Variants in COX19 observed in about 807,000 individuals in gnomAD.
COX19 encodes the protein cytochrome c oxidase assembly factor COX19.
COX19 carries 8 observed loss-of-function variants against 6.8 expected under a neutral mutation model. The ratio of observed to expected loss-of-function variants is 1.18; its 90% CI spans 0.69 to 2.12. COX19 has a LOEUF of 2.12. Among genes scored for constraint, COX19 ranks in the 30% most tolerant of loss-of-function variants. The pLI is 0.00. For synonymous variants in COX19, 51 were observed against 38.0 expected (o/e 1.34, Z -1.26); for missense variants, 131 against 104.6 (o/e 1.25, Z -1.10).
In COX19 at chr7:967,823, A is replaced by C. The variant is rs1847580569; in HGVS notation, c.*1555T>G. 1 of 152,284 alleles carries C rather than the reference A, an allele frequency of 6.6e-6. No individual in the cohort carries two copies. The highest frequency in any genetic ancestry group is 6.5e-5 in the Admixed American group (1 of 15,290). The allele number at this position is 152,284 out of a possible 1,614,324, so 9.4% of individuals were successfully genotyped here. A position where few individuals can be genotyped will look rare whatever the true frequency, so the allele number is the denominator to read the frequency against. On this transcript the variant is annotated 3_prime_UTR_variant, in exon 3 of 3. Coordinates refer to ENST00000344111, the MANE Select transcript of COX19 (RefSeq NM_001031617.3). ...GTGTCCCTGCCTGTCTCCACTTCACAGTAAGCTCACGCCATATAGCCGCAC... is the reference window on the plus strand; with the variant it reads ...GTGTCCCTGCCTGTCTCCACTTCACCGTAAGCTCACGCCATATAGCCGCAC...
chr7:964,980 C>T lies in COX19; in HGVS notation c.*4398G>A, dbSNP rs1847530840. 6.6e-6 allele frequency among the ~76,000 whole-genome samples: 1 copy of T among 152,196 alleles called. No homozygotes were observed. The highest frequency in any genetic ancestry group is 1.5e-5 in the Non-Finnish European group (1 of 68,038). ...ATCTCGTGAGAAGCTCTGGCAGGAA[C>T]AGCAGGGTGTCTGGATTCTTAAGCA... On this transcript the variant is annotated 3_prime_UTR_variant, in exon 3 of 3. Coordinates refer to ENST00000344111, the MANE Select transcript of COX19 (RefSeq NM_001031617.3).
At chr7:969,814 G>A (rs1488363692) in intron 2 of COX19, among the ~76,000 whole-genome samples, 3 of 152,188 alleles carry the variant, frequency 2.0e-5, no homozygotes. Context: ...TGCTTTGATT[G>A]GCAGGATAAT....
At position 975,483 on chromosome 7, in the gene COX19, G is replaced by A. The variant is rs200879257; in HGVS notation, c.27C>T (p.Thr9=). Residue 9 remains threonine, a synonymous_variant, in exon 1 of 3, where the codon ACC becomes ACT. Transcript: ENST00000344111. MSTAMNFG[T]KSFQPRPPDK... ...CCGGGGGCCGCGGCTGGAAGCTCTT[G>A]GTCCCGAAATTCATGGCGGTCGACA... 114 of 1,603,234 alleles carry A rather than the reference G, an allele frequency of 7.1e-5. No homozygotes were observed. Among genetic ancestry groups the A allele is most frequent in the Non-Finnish European group, 3.4e-5 (40 of 1,176,284 alleles).
intron 2 of COX19, among the ~76,000 whole-genome samples, chr7:971,865 C>T (rs927307273): frequency 2.6e-5 from 4 of 152,042 alleles, no homozygotes; most frequent in Admixed American, 6.6e-5. Context: ...AGTGAGACTC[C>T]GTCTCAAAAA....
chr7:965,356 C>T lies in COX19; in HGVS notation c.*4022G>A, dbSNP rs1847535987. On this transcript the variant is annotated 3_prime_UTR_variant, in exon 3 of 3. Transcript: ENST00000344111. Reference sequence around the variant, plus strand: ...ATAACACTGGGCCAGCGCTGCCAGTCACTTCGCAGAAGGCTCCTCGGTTTG... The same window carrying T: ...ATAACACTGGGCCAGCGCTGCCAGTTACTTCGCAGAAGGCTCCTCGGTTTG... Among the ~76,000 whole-genome samples the T allele has an allele frequency of 6.6e-6, 1 of 152,206 alleles. No homozygotes were observed. Among genetic ancestry groups the T allele is most frequent in the South Asian group, 2.1e-4 (1 of 4,828 alleles).
Position 975,465 on chromosome 7 carries a change from C to T in COX19, c.45G>A (p.Arg15=). The change falls in exon 1 of 3, where the codon CGG becomes CGA. Residue 15 remains arginine, a synonymous_variant. Coordinates refer to ENST00000344111, the MANE Select transcript of COX19 (RefSeq NM_001031617.3). ...GCGGGAAGCTGCCCTTGTCCGGGGGCCGCGGCTGGAAGCTCTTGGTCCCGA... is the reference window on the plus strand; with the variant it reads ...GCGGGAAGCTGCCCTTGTCCGGGGGTCGCGGCTGGAAGCTCTTGGTCCCGA... ...MNFGTKSFQP[R]PPDKGSFPLD... is the part of the protein sequence containing the mutation. 1.2e-6 allele frequency: 2 copies of T among 1,601,842 alleles called. No individual in the cohort carries two copies. The highest frequency in any genetic ancestry group is 8.5e-7 in the Non-Finnish European group (1 of 1,175,710).
Position 968,261 on chromosome 7 carries a change from TGAGAAG to T in COX19, c.*1111_*1116del, listed in dbSNP as rs1246084025. 2 of 152,282 alleles carry T rather than the reference TGAGAAG, an allele frequency of 1.3e-5. No individual in the cohort carries two copies. Among genetic ancestry groups the T allele is most frequent in the African/African-American group, 4.8e-5 (2 of 41,458 alleles). The allele number at this position is 152,282 out of a possible 1,614,324, so 9.4% of individuals were successfully genotyped here. A position where few individuals can be genotyped will look rare whatever the true frequency, so the allele number is the denominator to read the frequency against. Reference sequence around the variant, plus strand: ...TTGCTGCAGAGAACTGGAGATGGGCTGAGAAGCCTCAGCCACCCACAGGCAGAGGGA... The same window carrying T: ...TTGCTGCAGAGAACTGGAGATGGGCTCCTCAGCCACCCACAGGCAGAGGGA... On this transcript the variant is annotated 3_prime_UTR_variant, in exon 3 of 3. Transcript: ENST00000344111.
chr7:969,369 C>A lies in COX19; in HGVS notation c.*9G>T. 1 of 1,575,666 alleles carries A rather than the reference C, an allele frequency of 6.3e-7. No individual in the cohort carries two copies. Among genetic ancestry groups the A allele is most frequent in the Non-Finnish European group, 8.7e-7 (1 of 1,145,104 alleles). The stretch of plus-strand genomic sequence containing the variant: ...ACTGAACACGGCCCAGGGGTCTTCT[C>A]ATCAAAATTCATTTTTTTGCCTCTG... On this transcript the variant is annotated 3_prime_UTR_variant, in exon 3 of 3. Transcript: ENST00000344111.
At position 967,559 on chromosome 7, in the gene COX19, G is replaced by C. The variant is rs938882576; in HGVS notation, c.*1819C>G. 1.3e-5 allele frequency: 2 copies of C among 152,242 alleles called. No homozygotes were observed. Among genetic ancestry groups the C allele is most frequent in the African/African-American group, 4.8e-5 (2 of 41,452 alleles). The allele number at this position is 152,242 out of a possible 1,614,324, so 9.4% of individuals were successfully genotyped here. ...GGAGAGGCAGGCCCGACCCGGGCCT[G>C]GGCACTCCCGACGGCGGGTCAGAGT... On this transcript the variant is annotated 3_prime_UTR_variant, in exon 3 of 3. Coordinates refer to ENST00000344111, the MANE Select transcript of COX19 (RefSeq NM_001031617.3).
intron 2 of COX19, among the ~76,000 whole-genome samples, chr7:969,936 C>T: frequency 6.6e-6 from 1 of 150,874 alleles, no homozygotes; most frequent in South Asian, 2.1e-4. Context: ...AACTGAGACT[C>T]AGGTCGACAG....
At chr7:973,879 T>C (rs1847668059) in intron 1 of COX19, among the ~76,000 whole-genome samples, 2 of 148,826 alleles carry the variant, frequency 1.3e-5, no homozygotes, top group African/African-American at 2.5e-5. Context: ...GGCAGGAGAA[T>C]TGCTTGAACC....
chr7:970,087 C>T (rs1047704105), intron 2 of COX19, among the ~76,000 whole-genome samples: 2 of 151,888 alleles, frequency 1.3e-5, no homozygotes, highest in Non-Finnish European at 2.9e-5. Flanking sequence ...CCTCCCGCCT[C>T]AGCCTCCTGG....
chr7:974,338 C>T (rs1472307876), intron 1 of COX19, among the ~76,000 whole-genome samples: 1 of 151,860 alleles, frequency 6.6e-6, no homozygotes, highest in African/African-American at 2.4e-5. Flanking sequence ...GGGAGACTCC[C>T]CTGAGTCCAG....
chr7:966,676 G>C lies in COX19; in HGVS notation c.*2702C>G, dbSNP rs1405224979. ...CGTCCAGGCCCTCAAGAGCTGGGAA[G>C]CATTTGTGCACAGCCCCTCACAACA... On this transcript the variant is annotated 3_prime_UTR_variant, in exon 3 of 3. Transcript: ENST00000344111. 6.6e-6 allele frequency: 1 copy of C among 152,280 alleles called. No individual in the cohort carries two copies. The highest frequency in any genetic ancestry group is 3.2e-3 in the Middle Eastern group (1 of 316). The allele number at this position is 152,280 out of a possible 1,614,324, so 9.4% of individuals were successfully genotyped here. A position where few individuals can be genotyped will look rare whatever the true frequency, so the allele number is the denominator to read the frequency against.
In COX19 at chr7:968,623, C is replaced by T. The variant is rs947826769; in HGVS notation, c.*755G>A. On this transcript the variant is annotated 3_prime_UTR_variant, in exon 3 of 3. Coordinates refer to ENST00000344111, the MANE Select transcript of COX19 (RefSeq NM_001031617.3). ...CTTTGGCACAGACGGGCTGAGAACTCCGCTCAGGGCCCCTGCCAGGCTGTG... is the reference window on the plus strand; with the variant it reads ...CTTTGGCACAGACGGGCTGAGAACTTCGCTCAGGGCCCCTGCCAGGCTGTG... The T allele has an allele frequency of 3.3e-5, 5 of 152,352 alleles. No homozygotes were observed. Among genetic ancestry groups the T allele is most frequent in the Admixed American group, 2.0e-4 (3 of 15,304 alleles). 9.4% of individuals were successfully genotyped at this position (152,352 alleles called of 1,614,324 possible).
intron 2 of COX19, among the ~76,000 whole-genome samples, chr7:971,498 A>T (rs888995939): frequency 1.3e-5 from 2 of 152,216 alleles, no homozygotes; most frequent in Non-Finnish European, 2.9e-5. Context: ...CAAATAACCA[A>T]TCGAAATTCT....
rs78685297 is a variant in COX19 at position 968,425 on chromosome 7, C to T, written c.*953G>A. 2,108 of 152,484 alleles carry T rather than the reference C, an allele frequency of 0.014. 20 individuals carry two copies. Among genetic ancestry groups the T allele is most frequent in the Middle Eastern group, 0.037 (11 of 294 alleles). 9.4% of individuals were successfully genotyped at this position (152,484 alleles called of 1,614,324 possible). A position where few individuals can be genotyped will look rare whatever the true frequency, so the allele number is the denominator to read the frequency against. ...ACCTCCCCACCCCGTCTCCTGCCAC[C>T]ATCCTCCACTGACCAGACAGGAGCC... On this transcript the variant is annotated 3_prime_UTR_variant, in exon 3 of 3. Coordinates refer to ENST00000344111, the MANE Select transcript of COX19 (RefSeq NM_001031617.3).
Position 965,910 on chromosome 7 carries a change from A to T in COX19, c.*3468T>A, listed in dbSNP as rs1189810674. On this transcript the variant is annotated 3_prime_UTR_variant, in exon 3 of 3. Coordinates refer to ENST00000344111, the MANE Select transcript of COX19 (RefSeq NM_001031617.3). The stretch of plus-strand genomic sequence containing the variant: ...TGCCTCGGCCTCCCAAAGTGTTGGG[A>T]TTATAGGCGTGAGCCACTGGCGCCC... 6.6e-6 allele frequency among the ~76,000 whole-genome samples: 1 copy of T among 152,078 alleles called. No homozygotes were observed. Among genetic ancestry groups the T allele is most frequent in the East Asian group, 1.9e-4 (1 of 5,170 alleles).
chr7:971,603 G>C (rs1174857403), intron 2 of COX19, among the ~76,000 whole-genome samples: 1 of 152,170 alleles, frequency 6.6e-6, no homozygotes, highest in East Asian at 1.9e-4. Flanking sequence ...TGGGCGTAGT[G>C]GCTCACGCCT....
Sources: gnomAD v4.1 joint callset for allele counts (sites outside exome capture counted in the v4.1 genomes callset) on GRCh38, gnomAD v4.1.1 for gene constraint, MANE v1.5 for transcripts, NCBI Gene and HGNC (gene_info 2026-07-23, HGNC 2026-07-21) for gene names.